Variants in ZUP1 observed in about 807,000 individuals in gnomAD.
ZUP1 encodes zinc finger containing ubiquitin peptidase 1.
ZUP1 carries 55 observed loss-of-function variants against 68.1 expected under a neutral mutation model. The observed-to-expected ratio is 0.81, with a 90% confidence interval of 0.65 to 1.01. The LOEUF (loss-of-function observed/expected upper bound fraction) is 1.01. Ranked by LOEUF, ZUP1 falls within the 50% of genes least tolerant of loss-of-function variation. The pLI is 0.00. For missense variants in ZUP1, 684 were observed against 674.9 expected, an observed-to-expected ratio of 1.01 and a Z score of -0.15; for synonymous variants, 223 against 221.5, an observed-to-expected ratio of 1.01 and a Z score of -0.06.
chr6:116,656,946 A>C, intron 4 of ZUP1, 94 bp from the exon 5 acceptor site: 1 of 862,338 alleles, frequency 1.2e-6, no homozygotes, highest in South Asian at 2.2e-5. Flanking sequence ...AACATGTTGA[A>C]ACATTCTGGT....
chr6:116,666,972 T>C lies in ZUP1; in HGVS notation c.221A>G (p.Asp74Gly), dbSNP rs552582828. The C allele has an allele frequency of 2.5e-6, 4 of 1,613,742 alleles. No individual in the cohort carries two copies. Among genetic ancestry groups the C allele is most frequent in the Admixed American group, 3.3e-5 (2 of 60,012 alleles). Reference protein sequence around the residue: ...RINTVQYGTSDNKKDNTLQCG... With the variant: ...RINTVQYGTSGNKKDNTLQCG... ...CTGTAGGGTGTTGTCTTTCTTGTTATCTGAAGTTCCATATTGTACTGTATT... is the reference window on the plus strand; with the variant it reads ...CTGTAGGGTGTTGTCTTTCTTGTTACCTGAAGTTCCATATTGTACTGTATT... The change falls in exon 2 of 10, where the codon GAT becomes GGT. Residue 74 changes from aspartate (D) to glycine (G), a missense_variant. Transcript: ENST00000368576.
At position 116,658,806 on chromosome 6, in the gene ZUP1, C is replaced by A; in HGVS notation, c.789G>T (p.Leu263=). The change falls in exon 4 of 10, where the codon CTG becomes CTT. Residue 263 remains leucine (L), a synonymous_variant. Coordinates refer to ENST00000368576, the MANE Select transcript of ZUP1 (RefSeq NM_145062.3). ...SRQEIEEFQK[L]QRQYGLDNSG... ...TAATTGTTATTAATCTTTGTACCTG[C>A]AGCTTCTGAAATTCTTCTATTTCTT... 1 of 1,571,278 alleles carries A rather than the reference C, an allele frequency of 6.4e-7. No individual in the cohort carries two copies.
intron 1 of ZUP1, 111 bp downstream of exon 1, chr6:116,668,455 C>G (rs1777075363): frequency 1.3e-5 from 2 of 152,500 alleles, no homozygotes; most frequent in South Asian, 4.1e-4. Context: ...AAGGCCGAGT[C>G]TCCCAAACGT....
chr6:116,652,608 CA>C (rs1776545855), intron 5 of ZUP1, among the ~76,000 whole-genome samples: 1 of 152,004 alleles, frequency 6.6e-6, no homozygotes, highest in Non-Finnish European at 1.5e-5. Context: ...GCAGATTTTG[CA>C]ATTTTCGAAG....
At position 116,652,001 on chromosome 6, in the gene ZUP1, TA is replaced by T; in HGVS notation, c.1150+2del. The T allele has an allele frequency of 6.2e-7, 1 of 1,613,510 alleles. No individual in the cohort carries two copies. The highest frequency in any genetic ancestry group is 8.5e-7 in the Non-Finnish European group (1 of 1,179,630). ...CAAGTTCAGAGTACTAGATTTCACA[TA>T]CCTTTTAAGCAATCGTTGTAAGCAT... On this transcript the variant is annotated splice_donor_variant, in intron 6 of 9. Coordinates refer to ENST00000368576, the MANE Select transcript of ZUP1 (RefSeq NM_145062.3). LOFTEE classifies it high-confidence loss of function.
intron 7 of ZUP1, among the ~76,000 whole-genome samples, 182 bp from the exon 8 acceptor site, chr6:116,647,792 GA>G (rs1307648634): frequency 1.3e-5 from 2 of 151,974 alleles, no homozygotes; most frequent in African/African-American, 4.8e-5. Context: ...TTTTGTGGGG[GA>G]TAACTATTTA....
At chr6:116,638,258 CT>C (rs1298216135) in intron 9 of ZUP1, among the ~76,000 whole-genome samples, 6 of 151,862 alleles carry the variant, frequency 4.0e-5, no homozygotes, top group East Asian at 1.9e-4. Context: ...TATTTTGGAG[CT>C]TTTTTTTCTT....
chr6:116,643,436 T>A (rs1480149180), intron 9 of ZUP1, among the ~76,000 whole-genome samples: 1 of 152,146 alleles, frequency 6.6e-6, no homozygotes, highest in Non-Finnish European at 1.5e-5. Flanking sequence ...GACTTCAAAC[T>A]ATACTACAAG....
At position 116,666,704 on chromosome 6, in the gene ZUP1, C is replaced by T; in HGVS notation, c.489G>A (p.Glu163=). 6.2e-7 allele frequency: 1 copy of T among 1,612,612 alleles called. No individual in the cohort carries two copies. Among genetic ancestry groups the T allele is most frequent in the South Asian group, 1.1e-5 (1 of 90,512 alleles). The change falls in exon 2 of 10, where the codon GAG becomes GAA. Residue 163 remains glutamate (E), a synonymous_variant. Coordinates refer to ENST00000368576, the MANE Select transcript of ZUP1 (RefSeq NM_145062.3). The part of the protein sequence containing the change: ...PPECPFCGKI[E]EHSEDMETHV... ...GAGTTTCCATATCTTCACTGTGCTCCTCTATTTTTCCACAGAATGGACATT... is the reference window on the plus strand; with the variant it reads ...GAGTTTCCATATCTTCACTGTGCTCTTCTATTTTTCCACAGAATGGACATT...
At position 116,651,567 on chromosome 6, in the gene ZUP1, C is replaced by A. The variant is rs760639797; in HGVS notation, c.1316+5G>T. 1.9e-6 allele frequency: 3 copies of A among 1,589,500 alleles called. No homozygotes were observed. The highest frequency in any genetic ancestry group is 2.6e-6 in the Non-Finnish European group (3 of 1,169,916). ...TAACATTTATTTAGGTTTTAAGGTA[C>A]ATACTTTACCCTTAGGGAGGTCAGG... On this transcript the variant is annotated splice_donor_5th_base_variant and intron_variant, in intron 7 of 9. Coordinates refer to ENST00000368576, the MANE Select transcript of ZUP1 (RefSeq NM_145062.3).
chr6:116,661,638 A>T (rs909631050), intron 2 of ZUP1, among the ~76,000 whole-genome samples: 1 of 152,218 alleles, frequency 6.6e-6, no homozygotes, highest in African/African-American at 2.4e-5. Flanking sequence ...TTCCTCTATA[A>T]GACCAAGACC....
chr6:116,636,649 A>G (rs190601091), intron 9 of ZUP1, among the ~76,000 whole-genome samples: 61 of 152,284 alleles, frequency 4.0e-4, no homozygotes, highest in African/African-American at 1.3e-3. Flanking sequence ...ATTAAAAAAA[A>G]TTTTTGAAAA....
intron 1 of ZUP1, among the ~76,000 whole-genome samples, chr6:116,667,830 G>A (rs1777057284): frequency 6.6e-6 from 1 of 152,118 alleles, no homozygotes; most frequent in South Asian, 2.1e-4. Flanking sequence ...AAAAGCAGAA[G>A]TGGTATAGTA....
chr6:116,661,916 G>A (rs2114285775), intron 2 of ZUP1, among the ~76,000 whole-genome samples: 1 of 152,292 alleles, frequency 6.6e-6, no homozygotes, highest in Non-Finnish European at 1.5e-5. Flanking sequence ...AGTTACCTGT[G>A]AAGAAATGGA....
At chr6:116,660,695 G>T in intron 3 of ZUP1, 41 bp downstream of exon 3, 2 of 1,165,336 alleles carry the variant, frequency 1.7e-6, no homozygotes, top group Non-Finnish European at 2.5e-6. Context: ...CTAGAAAGTA[G>T]AAATTAAATG....
At chr6:116,645,692 A>C (rs1776273095) in intron 9 of ZUP1, 22 bp downstream of exon 9, 4 of 1,531,280 alleles carry the variant, frequency 2.6e-6, no homozygotes, top group Non-Finnish European at 3.6e-6. Flanking sequence ...CAAACTTCAC[A>C]TATAAATATT....
chr6:116,651,641 C>T lies in ZUP1; in HGVS notation c.1247G>A (p.Arg416Lys). The T allele has an allele frequency of 1.9e-6, 3 of 1,613,856 alleles. No individual in the cohort carries two copies. The South Asian group carries it at 3.3e-5, about 18-fold the overall frequency. The change falls in exon 7 of 10, where the codon AGG (arginine) becomes AAG (lysine). Residue 416 changes from arginine to lysine, a missense_variant. Physicochemically the swap from Arg to Lys is conservative, Grantham distance 26. Coordinates refer to ENST00000368576, the MANE Select transcript of ZUP1 (RefSeq NM_145062.3). Reference sequence around the variant, plus strand: ...AATCCAGGCCTTTGTTCCCTGTAACCTGTTATTAAGTTGAGAGGCCCCCTG... The same window carrying T: ...AATCCAGGCCTTTGTTCCCTGTAACTTGTTATTAAGTTGAGAGGCCCCCTG... The part of the protein sequence containing the change: ...DPQGASQLNN[R>K]LQGTKAWIGA...
chr6:116,645,583 C>CAAAAAAAAAAA (rs59393240), intron 9 of ZUP1, 131 bp downstream of exon 9: 5 of 431,028 alleles, frequency 1.2e-5, no homozygotes, highest in African/African-American at 3.8e-5. Context: ...ACCCTGTCTC[C>CAAAAAAAAAAA]AAAAAAAAAA....
At chr6:116,652,775 A>G (rs544653491) in intron 5 of ZUP1, among the ~76,000 whole-genome samples, 2 of 152,232 alleles carry the variant, frequency 1.3e-5, no homozygotes, top group African/African-American at 2.4e-5. Context: ...AACAGAAGAC[A>G]ACTTTTCTTA....
Sources: allele counts gnomAD v4.1 joint callset (sites outside exome capture counted in the v4.1 genomes callset), GRCh38; gene constraint gnomAD v4.1.1; transcripts MANE v1.5; gene names NCBI Gene and HGNC (gene_info 2026-07-23, HGNC 2026-07-21).